Variants in NCOA3 observed in about 807,000 individuals in gnomAD.
The protein encoded by NCOA3 is CBP-interacting protein.
Under a neutral mutation model 158.8 loss-of-function variants are expected in NCOA3, and 51 were observed. The observed-to-expected ratio is 0.32, with a 90% CI of 0.26 to 0.41. NCOA3 has a LOEUF of 0.41. Among genes scored for constraint, NCOA3 ranks in the 10% least tolerant of loss-of-function variants. The probability of loss-of-function intolerance (pLI) is 1.00; values close to 1 mark genes in which losing one functional copy is unlikely to be tolerated. For missense variants in NCOA3, 1,510 were observed against 1,746.6 expected (o/e 0.86, Z 2.41); for synonymous variants, 537 against 592.4 (o/e 0.91, Z 1.36).
At chr20:47,541,054 G>A (rs2084719440) in intron 1 of NCOA3, among the ~76,000 whole-genome samples, 1 of 151,940 alleles carries the variant, frequency 6.6e-6, no homozygotes, top group African/African-American at 2.4e-5. Context: ...GAGAAAAGTA[G>A]ATCATGCTTT....
intron 1 of NCOA3, among the ~76,000 whole-genome samples, chr20:47,547,404 ATATTATTAT>A (rs200074877): frequency 6.8e-6 from 1 of 146,524 alleles, no homozygotes; most frequent in African/African-American, 2.6e-5. Flanking sequence ...TTTTATTTTT[ATATTATTAT>A]TATTATTATT....
chr20:47,642,596 A>G (rs143675515), intron 17 of NCOA3, among the ~76,000 whole-genome samples: 1 of 152,176 alleles, frequency 6.6e-6, no homozygotes, highest in Non-Finnish European at 1.5e-5. Flanking sequence ...TACGATTGCG[A>G]TATTACTTTC....
At position 47,567,128 on chromosome 20, in the gene NCOA3, A is replaced by G. The variant is rs1487440003; in HGVS notation, c.-98-16055A>G. On this transcript the variant is annotated intron_variant, in intron 1 of 22. Coordinates refer to ENST00000371998, the MANE Select transcript of NCOA3 (RefSeq NM_181659.3). Reference sequence around the variant, plus strand: ...AGTGATGTGATCTTAGCTCACTGCAACCTCTGCCTCCTGGGTTCAAGCGAT... The same window carrying G: ...AGTGATGTGATCTTAGCTCACTGCAGCCTCTGCCTCCTGGGTTCAAGCGAT... 6.6e-5 allele frequency among the ~76,000 whole-genome samples: 10 copies of G among 151,284 alleles called. No homozygotes were observed. In the East Asian group the frequency reaches 1.6e-3, roughly 24 times the overall value.
At chr20:47,521,629 G>C (rs1292884708) in intron 1 of NCOA3, among the ~76,000 whole-genome samples, 1 of 151,874 alleles carries the variant, frequency 6.6e-6, no homozygotes, top group Non-Finnish European at 1.5e-5. Flanking sequence ...TGAACAATGA[G>C]TCAGGGTGGA....
intron 2 of NCOA3, among the ~76,000 whole-genome samples, chr20:47,611,780 A>G (rs1327882497): frequency 6.6e-6 from 1 of 151,984 alleles, no homozygotes; most frequent in Non-Finnish European, 1.5e-5. Context: ...TGACAGAGCG[A>G]GACTCCATCT....
intron 1 of NCOA3, among the ~76,000 whole-genome samples, chr20:47,537,282 C>A (rs569805473): frequency 6.6e-6 from 1 of 152,176 alleles, no homozygotes; most frequent in African/African-American, 2.4e-5. Flanking sequence ...CAGTTACGTT[C>A]TTTACTTGTA....
chr20:47,581,638 T>C (rs865850262), intron 1 of NCOA3, among the ~76,000 whole-genome samples: 2 of 152,258 alleles, frequency 1.3e-5, no homozygotes, highest in African/African-American at 4.8e-5. Flanking sequence ...ATGGTTGTTA[T>C]CTTGGTTCGA....
intron 1 of NCOA3, among the ~76,000 whole-genome samples, chr20:47,507,124 A>G (rs900900673): frequency 2.0e-4 from 31 of 152,216 alleles, no homozygotes; most frequent in African/African-American, 7.2e-4. Flanking sequence ...CTCAATTAGG[A>G]TAAGCCTTAT....
intron 1 of NCOA3, among the ~76,000 whole-genome samples, chr20:47,540,410 T>C (rs1285890378): frequency 6.6e-6 from 1 of 151,896 alleles, no homozygotes; most frequent in Non-Finnish European, 1.5e-5. Flanking sequence ...CCCCCTCTAC[T>C]AAAAATACAA....
chr20:47,642,257 C>T lies in NCOA3; in HGVS notation c.3125C>T (p.Ser1042Phe). The T allele has an allele frequency of 1.9e-6, 3 of 1,609,258 alleles. No homozygotes were observed. The highest frequency in any genetic ancestry group is 2.5e-6 in the Non-Finnish European group (3 of 1,178,502). ...NSLDDLVGPP[S>F]NLEGQSDERA... ...CTGGATGATCTTGTTGGGCCACCTT[C>T]CAACCTGGAAGGCCAGAGTGACGAA... The change falls in exon 17 of 23, where the codon TCC (serine) becomes TTC (phenylalanine). Residue 1042 changes from serine (S) to phenylalanine (F), a missense_variant. Coordinates refer to ENST00000371998, the MANE Select transcript of NCOA3 (RefSeq NM_181659.3).
intron 16 of NCOA3, 32 bp from the exon 17 acceptor site, chr20:47,642,181 A>T: frequency 6.7e-7 from 1 of 1,502,704 alleles, no homozygotes; most frequent in East Asian, 2.3e-5. Flanking sequence ...AAAAAAAAGC[A>T]CCATTGACAT....
At chr20:47,621,304 A>G (rs919159958) in intron 2 of NCOA3, among the ~76,000 whole-genome samples, 2 of 151,560 alleles carry the variant, frequency 1.3e-5, no homozygotes, top group Non-Finnish European at 2.9e-5. Context: ...TTTGATCAGC[A>G]TCTTGAGTGA....
In NCOA3 at chr20:47,647,203, T is replaced by G. The variant is rs771760358; in HGVS notation, c.3383T>G (p.Leu1128Arg). The stretch of plus-strand genomic sequence containing the variant: ...CCTCCAATGCAAGGAGGCTTTCATC[T>G]TCAGGGACAATCACCATCTTTTAAC... Reference protein sequence around the residue: ...QGPPMQGGFHLQGQSPSFNSM... With the variant: ...QGPPMQGGFHRQGQSPSFNSM... The change falls in exon 18 of 23, where the codon CTT becomes CGT. Residue 1128 changes from leucine (L) to arginine (R), a missense_variant. Coordinates refer to ENST00000371998, the MANE Select transcript of NCOA3 (RefSeq NM_181659.3). 1 of 1,614,204 alleles carries G rather than the reference T, an allele frequency of 6.2e-7. No homozygotes were observed. The highest frequency in any genetic ancestry group is 1.3e-5 in the African/African-American group (1 of 75,052).
At chr20:47,527,353 A>G (rs1164930351) in intron 1 of NCOA3, among the ~76,000 whole-genome samples, 1 of 152,048 alleles carries the variant, frequency 6.6e-6, no homozygotes, top group Non-Finnish European at 1.5e-5. Context: ...ATCATAAAGT[A>G]TGTTGTGTCA....
intron 2 of NCOA3, among the ~76,000 whole-genome samples, chr20:47,585,218 A>T (rs1345092138): frequency 6.6e-6 from 1 of 151,886 alleles, no homozygotes; most frequent in African/African-American, 2.4e-5. Context: ...CATCCGGCTA[A>T]GTTTTGTATT....
chr20:47,601,337 C>A (rs1485959263), intron 2 of NCOA3, among the ~76,000 whole-genome samples: 1 of 152,208 alleles, frequency 6.6e-6, no homozygotes, highest in African/African-American at 2.4e-5. Context: ...CTTCCGAATA[C>A]CACATCGCGG....
chr20:47,537,582 GT>G lies in NCOA3; in HGVS notation c.-99+35577del, dbSNP rs529005842. Among the ~76,000 whole-genome samples, 1,177 of 142,152 alleles carry G rather than the reference GT, an allele frequency of 8.3e-3. 15 individuals are homozygous for G. The highest frequency in any genetic ancestry group is 0.026 in the African/African-American group (1,020 of 39,090). The allele number at this position is 142,152 out of a possible 152,430, so 93.3% of individuals were successfully genotyped here. A position where few individuals can be genotyped will look rare whatever the true frequency, so the allele number is the denominator to read the frequency against. ...ATAAAAACCAAGGGGTTTACATAGG[GT>G]TTTTTTTTTTTTTGAGATGGAGTCT... is the stretch of plus-strand genomic sequence containing the variant. On this transcript the variant is annotated intron_variant, in intron 1 of 22. Coordinates refer to ENST00000371998, the MANE Select transcript of NCOA3 (RefSeq NM_181659.3).
chr20:47,610,108 A>G (rs1202902733), intron 2 of NCOA3, among the ~76,000 whole-genome samples: 1 of 152,190 alleles, frequency 6.6e-6, no homozygotes, highest in Non-Finnish European at 1.5e-5. Flanking sequence ...TTTTTGATAT[A>G]TATTTTCTTA....
intron 1 of NCOA3, among the ~76,000 whole-genome samples, chr20:47,519,230 A>C (rs984810219): frequency 1.3e-5 from 2 of 151,680 alleles, no homozygotes; most frequent in East Asian, 3.9e-4. Flanking sequence ...AGGTCAGAAG[A>C]TCAAGACCAC....
Sources: gnomAD v4.1 joint callset for allele counts (sites outside exome capture counted in the v4.1 genomes callset) on GRCh38, gnomAD v4.1.1 for gene constraint, MANE v1.5 for transcripts, NCBI Gene and HGNC (gene_info 2026-07-23, HGNC 2026-07-21) for gene names.